Variants in SPAG1 observed in about 807,000 individuals in gnomAD.
The protein encoded by SPAG1 is sperm associated antigen 1.
A neutral mutation model predicts 100.5 loss-of-function variants in SPAG1; 69 were observed. That is an observed-to-expected ratio of 0.69 (90% CI 0.57 to 0.84). The LOEUF (loss-of-function observed/expected upper bound fraction) is 0.84, where lower values mean the gene tolerates loss of function less well. Ranked by LOEUF, SPAG1 falls within the 40% of genes least tolerant of loss-of-function variation. The pLI is 0.00. For synonymous variants in SPAG1, 336 were observed against 411.6 expected (o/e 0.82, Z 2.22); for missense variants, 955 against 1,133.1 (o/e 0.84, Z 2.26).
Position 100,211,874 on chromosome 8 carries a change from T to C in SPAG1, c.1097-1216T>C, listed in dbSNP as rs191618712. On this transcript the variant is annotated intron_variant, in intron 10 of 18. Coordinates refer to ENST00000388798, the MANE Select transcript of SPAG1 (RefSeq NM_003114.5). ...ATAGCATTGGTCAGACCCGAGGGGA[T>C]ACTGTGCAAAGGGGTGGAAAGTAAT... Among the ~76,000 whole-genome samples, 53 of 152,280 alleles carry C rather than the reference T, an allele frequency of 3.5e-4. No individual in the cohort carries two copies. The East Asian group carries it at 9.5e-3, about 27-fold the overall frequency.
chr8:100,220,181 A>G lies in SPAG1; in HGVS notation c.1536-98A>G, dbSNP rs1182085284. 2.5e-5 allele frequency: 26 copies of G among 1,025,002 alleles called. No homozygotes were observed. The East Asian group carries it at 5.2e-4, about 21-fold the overall frequency. 63.5% of individuals were successfully genotyped at this position (1,025,002 alleles called of 1,614,324 possible). On this transcript the variant is annotated intron_variant, in intron 12 of 18. Transcript: ENST00000388798. Reference sequence around the variant, plus strand: ...CCAAGACGAAGTCTCGGATGTGTACATATTTGAGAGTTCAGTACTGCAGTA... The same window carrying G: ...CCAAGACGAAGTCTCGGATGTGTACGTATTTGAGAGTTCAGTACTGCAGTA...
intron 10 of SPAG1, among the ~76,000 whole-genome samples, chr8:100,199,594 C>T (rs144668031): frequency 0.022 from 3,388 of 152,140 alleles, 126 homozygotes; most frequent in African/African-American, 0.078. Context: ...TACAGGCTCC[C>T]ACCACCATGC....
intron 13 of SPAG1, among the ~76,000 whole-genome samples, chr8:100,222,044 C>T (rs566755069): frequency 1.1e-4 from 17 of 152,368 alleles, no homozygotes; most frequent in Non-Finnish European, 2.2e-4. Flanking sequence ...CCTTGAGCTT[C>T]CTTGGCCTTG....
chr8:100,187,279 T>G, intron 8 of SPAG1, 29 bp downstream of exon 8: 1 of 1,567,292 alleles, frequency 6.4e-7, no homozygotes, highest in Non-Finnish European at 8.7e-7. Context: ...TTCTTTTACA[T>G]TTACAGCAGG....
chr8:100,202,873 G>C (rs565347137), intron 10 of SPAG1, among the ~76,000 whole-genome samples: 1 of 151,820 alleles, frequency 6.6e-6, no homozygotes, highest in Admixed American at 6.5e-5. Context: ...AAATCCAGAA[G>C]AGTGAGACTG....
intron 15 of SPAG1, among the ~76,000 whole-genome samples, chr8:100,232,246 G>C (rs1386098766): frequency 6.6e-6 from 1 of 152,074 alleles, no homozygotes; most frequent in African/African-American, 2.4e-5. Flanking sequence ...CCTCCTCTTG[G>C]CTGCGGAGGA....
At chr8:100,166,945 T>G (rs1390784554) in intron 3 of SPAG1, among the ~76,000 whole-genome samples, 1 of 152,138 alleles carries the variant, frequency 6.6e-6, no homozygotes, top group African/African-American at 2.4e-5. Flanking sequence ...GAATTTAAAT[T>G]GTTTGATCAA....
At chr8:100,213,767 C>G (rs1033800330) in intron 11 of SPAG1, 52 bp from the exon 12 acceptor site, 31 of 1,164,938 alleles carry the variant, frequency 2.7e-5, no homozygotes, top group Non-Finnish European at 3.8e-5. Flanking sequence ...TTCTGGTGAA[C>G]TGTGATCTTG....
intron 4 of SPAG1, among the ~76,000 whole-genome samples, chr8:100,180,436 T>A (rs1368556301): frequency 6.6e-6 from 1 of 152,210 alleles, no homozygotes; most frequent in Non-Finnish European, 1.5e-5. Flanking sequence ...AAATATCTGC[T>A]TGTGACAGAA....
intron 2 of SPAG1, among the ~76,000 whole-genome samples, chr8:100,164,483 G>T (rs1382503183): frequency 3.9e-5 from 6 of 152,096 alleles, no homozygotes; most frequent in African/African-American, 1.2e-4. Context: ...GGAGTGCAGT[G>T]GTGCGATCTC....
chr8:100,226,089 CA>C (rs1352836535), intron 14 of SPAG1, among the ~76,000 whole-genome samples: 1 of 150,964 alleles, frequency 6.6e-6, no homozygotes, highest in Non-Finnish European at 1.5e-5. Context: ...CTCCACCTCC[CA>C]GGTTCAAGCG....
intron 3 of SPAG1, among the ~76,000 whole-genome samples, chr8:100,169,626 T>C (rs1205654016): frequency 1.3e-5 from 2 of 152,042 alleles, no homozygotes; most frequent in Non-Finnish European, 2.9e-5. Context: ...TAGTCCCAGC[T>C]ACTCAGGAGG....
chr8:100,158,955 A>C, intron 1 of SPAG1: 1 of 148,292 alleles, frequency 6.7e-6, no homozygotes, highest in African/African-American at 2.5e-5. Context: ...CCTTCTCACT[A>C]CTGCACTTGA....
chr8:100,176,660 C>T (rs889153766), intron 3 of SPAG1, among the ~76,000 whole-genome samples: 1 of 152,178 alleles, frequency 6.6e-6, no homozygotes, highest in African/African-American at 2.4e-5. Flanking sequence ...CCACCACGCC[C>T]AGCCAGGAAT....
chr8:100,161,347 AAAAC>A (rs1302046861), intron 1 of SPAG1, among the ~76,000 whole-genome samples: 1 of 152,130 alleles, frequency 6.6e-6, no homozygotes, highest in Non-Finnish European at 1.5e-5. Flanking sequence ...CTCAAAAACA[AAAAC>A]AAACAAAACA....
At chr8:100,237,315 A>G (rs939262709) in intron 16 of SPAG1, among the ~76,000 whole-genome samples, 1 of 152,150 alleles carries the variant, frequency 6.6e-6, no homozygotes, top group Non-Finnish European at 1.5e-5. Context: ...TCTTGGCCTC[A>G]GGTGATCCAC....
Position 100,240,434 on chromosome 8 carries a change from C to T in SPAG1, c.2312C>T (p.Pro771Leu). The part of the protein sequence containing the change: ...VNEGKEEPGR[P>L]AGEVSMGCLA... ...GAAGGCAAGGAGGAGCCTGGAAGAC[C>T]TGCAGGGGAGGTCTCCATGGGATGC... The change falls in exon 18 of 19, where the codon CCT (proline) becomes CTT (leucine). Residue 771 changes from proline (P) to leucine (L), a missense_variant. Pro to Leu is a moderately conservative substitution (Grantham distance 98). Transcript: ENST00000388798. 1 of 1,610,164 alleles carries T rather than the reference C, an allele frequency of 6.2e-7. No homozygotes were observed. The highest frequency in any genetic ancestry group is 8.5e-7 in the Non-Finnish European group (1 of 1,178,774).
At chr8:100,199,376 G>A (rs993861903) in intron 10 of SPAG1, among the ~76,000 whole-genome samples, 3 of 152,206 alleles carry the variant, frequency 2.0e-5, no homozygotes, top group African/African-American at 4.8e-5. Context: ...TATGTTGACT[G>A]TCTCTTCAAT....
intron 2 of SPAG1, among the ~76,000 whole-genome samples, chr8:100,163,759 G>C (rs1328339980): frequency 2.6e-5 from 4 of 152,036 alleles, no homozygotes; most frequent in African/African-American, 9.7e-5. Flanking sequence ...TTTTTAAAAT[G>C]GAAAGTGAAA....
Sources: allele counts gnomAD v4.1 joint callset (sites outside exome capture counted in the v4.1 genomes callset), GRCh38; gene constraint gnomAD v4.1.1; transcripts MANE v1.5; gene names NCBI Gene and HGNC (gene_info 2026-07-23, HGNC 2026-07-21).